COL21A1: variants seen among roughly 807,000 people sequenced by gnomAD.
COL21A1 encodes collagen alpha-1(XXI) chain.
In COL21A1, 149 loss-of-function variants were observed where a neutral mutation model predicts 137.9. That is an observed-to-expected ratio of 1.08 (90% CI 0.95 to 1.24). The LOEUF (loss-of-function observed/expected upper bound fraction) is 1.24. COL21A1 is among the 50% of genes most tolerant of loss of function. The pLI is 0.00. For synonymous variants in COL21A1, 456 were observed against 391.5 expected, an observed-to-expected ratio of 1.16 and a Z score of -1.95; for missense variants, 1,167 against 1,158.4, an observed-to-expected ratio of 1.01 and a Z score of -0.11.
intron 24 of COL21A1, among the ~76,000 whole-genome samples, chr6:56,062,209 T>C (rs1279400801): frequency 6.6e-6 from 1 of 152,110 alleles, no homozygotes; most frequent in East Asian, 1.9e-4. Context: ...AACCATTCAC[T>C]GCCAGTAATT....
intron 9 of COL21A1, among the ~76,000 whole-genome samples, chr6:56,160,476 TC>T (rs1776113422): frequency 6.6e-6 from 1 of 151,966 alleles, no homozygotes; most frequent in African/African-American, 2.4e-5. Context: ...AATACACTGA[TC>T]AGAACCAGAC....
At chr6:56,166,375 G>A (rs927111994) in intron 7 of COL21A1, among the ~76,000 whole-genome samples, 1 of 152,062 alleles carries the variant, frequency 6.6e-6, no homozygotes, top group Non-Finnish European at 1.5e-5. Flanking sequence ...TTACTGACAG[G>A]GCGTGGTGGC....
intron 17 of COL21A1, among the ~76,000 whole-genome samples, chr6:56,090,799 T>C (rs902098873): frequency 6.6e-6 from 1 of 151,738 alleles, no homozygotes; most frequent in Non-Finnish European, 1.5e-5. Context: ...AATTGTTACA[T>C]GTGGGTTGCC....
At chr6:56,314,836 C>T (rs932707665) in intron 1 of COL21A1, among the ~76,000 whole-genome samples, 5 of 152,050 alleles carry the variant, frequency 3.3e-5, no homozygotes, top group Admixed American at 6.6e-5. Context: ...TTTGAATTAG[C>T]GGAGAAAGTT....
At chr6:56,163,806 A>G (rs894250095) in intron 9 of COL21A1, among the ~76,000 whole-genome samples, 8 of 152,178 alleles carry the variant, frequency 5.3e-5, no homozygotes, top group African/African-American at 1.9e-4. Flanking sequence ...GTACGCACAC[A>G]ATGGCTCCGA....
chr6:56,348,989 A>G (rs557870246), intron 1 of COL21A1, among the ~76,000 whole-genome samples: 1 of 152,348 alleles, frequency 6.6e-6, no homozygotes, highest in Admixed American at 6.5e-5. Context: ...AGTGATGAAG[A>G]TGCTAAACAT....
At chr6:56,393,359 A>G (rs1274536632) in intron 1 of COL21A1, among the ~76,000 whole-genome samples, 2 of 152,240 alleles carry the variant, frequency 1.3e-5, no homozygotes, top group Non-Finnish European at 2.9e-5. Context: ...AAATAGATTA[A>G]AGACTTAAAT....
chr6:56,086,169 C>T (rs754649634), intron 17 of COL21A1, among the ~76,000 whole-genome samples: 5 of 151,932 alleles, frequency 3.3e-5, no homozygotes, highest in Non-Finnish European at 7.4e-5. Context: ...TTCCACCAAG[C>T]TATAACCTTT....
chr6:56,147,559 C>T (rs1414196935), intron 10 of COL21A1, among the ~76,000 whole-genome samples: 2 of 151,934 alleles, frequency 1.3e-5, no homozygotes, highest in African/African-American at 4.8e-5. Flanking sequence ...GGCCTACATT[C>T]ACATGCACAA....
chr6:56,207,736 G>A (rs1355521395), intron 1 of COL21A1, among the ~76,000 whole-genome samples: 1 of 152,074 alleles, frequency 6.6e-6, no homozygotes, highest in African/African-American at 2.4e-5. Context: ...AACAAAAAAA[G>A]AAAATTTCAG....
chr6:56,166,854 C>T, intron 7 of COL21A1, 52 bp downstream of exon 7: 1 of 1,327,016 alleles, frequency 7.5e-7, no homozygotes, highest in Non-Finnish European at 1.1e-6. Context: ...TTATTTATTG[C>T]TTTGAAAGTA....
At chr6:56,217,585 T>C (rs186603685) in intron 1 of COL21A1, among the ~76,000 whole-genome samples, 1 of 152,256 alleles carries the variant, frequency 6.6e-6, no homozygotes, top group East Asian at 1.9e-4. Context: ...ACAATAAGGT[T>C]AAATATTCTA....
At chr6:56,285,257 T>A (rs528981394) in intron 1 of COL21A1, among the ~76,000 whole-genome samples, 68 of 152,312 alleles carry the variant, frequency 4.5e-4, no homozygotes, top group African/African-American at 1.6e-3. Context: ...TGACAATGTG[T>A]TACATTTCAA....
chr6:56,214,127 G>C (rs1381293204), intron 1 of COL21A1, among the ~76,000 whole-genome samples: 2 of 151,934 alleles, frequency 1.3e-5, no homozygotes, highest in Non-Finnish European at 2.9e-5. Flanking sequence ...CTTGGAGCAG[G>C]AATCACAGGA....
intron 16 of COL21A1, among the ~76,000 whole-genome samples, chr6:56,112,453 T>C (rs377722313): frequency 1.7e-3 from 264 of 152,194 alleles, no homozygotes; most frequent in African/African-American, 6.0e-3. Flanking sequence ...TCCATATTGC[T>C]GAAAGAGGCA....
At chr6:56,103,561 T>G (rs1354392822) in intron 16 of COL21A1, among the ~76,000 whole-genome samples, 1 of 152,170 alleles carries the variant, frequency 6.6e-6, no homozygotes, top group African/African-American at 2.4e-5. Context: ...AATCTCTACT[T>G]TTTTCTATCT....
At chr6:56,388,391 C>T (rs1253519278) in intron 1 of COL21A1, among the ~76,000 whole-genome samples, 2 of 152,290 alleles carry the variant, frequency 1.3e-5, no homozygotes, top group African/African-American at 2.4e-5. Flanking sequence ...TTCCAGGCAG[C>T]CCAGCATGGT....
At chr6:56,382,902 T>TC (rs1201861784) in intron 1 of COL21A1, among the ~76,000 whole-genome samples, 6 of 152,212 alleles carry the variant, frequency 3.9e-5, no homozygotes, top group Admixed American at 3.9e-4. Flanking sequence ...TCTGCCATAT[T>TC]GGTTGTGAAC....
At chr6:56,172,744 A>C (rs957477450) in intron 3 of COL21A1, among the ~76,000 whole-genome samples, 1 of 152,166 alleles carries the variant, frequency 6.6e-6, no homozygotes, top group Admixed American at 6.5e-5. Context: ...CAGATATAAA[A>C]TATAAAAAGA....
Sources: gnomAD v4.1 joint callset for allele counts (sites outside exome capture counted in the v4.1 genomes callset) on GRCh38, gnomAD v4.1.1 for gene constraint, MANE v1.5 for transcripts, NCBI Gene and HGNC (gene_info 2026-07-23, HGNC 2026-07-21) for gene names.